Variants in INTS9 observed in about 807,000 individuals in gnomAD.
INTS9 encodes the protein integrator complex subunit 9.
In INTS9, 55 loss-of-function variants were observed where a neutral mutation model predicts 79.7. The ratio of observed to expected loss-of-function variants is 0.69; its 90% CI spans 0.56 to 0.86. INTS9 has a LOEUF of 0.86. Among genes scored for constraint, INTS9 ranks in the 40% least tolerant of loss-of-function variants. The probability of loss-of-function intolerance (pLI) is 0.00; values close to 1 mark genes in which losing one functional copy is unlikely to be tolerated. For synonymous variants in INTS9, 319 were observed against 325.2 expected (o/e 0.98, Z 0.20); for missense variants, 721 against 831.5 (o/e 0.87, Z 1.64).
At chr8:28,778,295 C>T (rs1010976016) in intron 12 of INTS9, among the ~76,000 whole-genome samples, 1 of 152,228 alleles carries the variant, frequency 6.6e-6, no homozygotes, top group Admixed American at 6.5e-5. Context: ...CAGTTCATCA[C>T]TTATTCAGAT....
chr8:28,862,281 T>C, intron 1 of INTS9: 1 of 917,252 alleles, frequency 1.1e-6, no homozygotes, highest in Non-Finnish European at 1.3e-6. Flanking sequence ...CTGATTATCA[T>C]TTTTATATTC....
chr8:28,846,843 A>G (rs377639962), intron 3 of INTS9, 34 bp from the exon 4 acceptor site: 521 of 1,515,262 alleles, frequency 3.4e-4, no homozygotes, highest in Middle Eastern at 1.2e-3. Flanking sequence ...TACAAGGAAG[A>G]GATATCCAGT....
intron 14 of INTS9, 108 bp downstream of exon 14, chr8:28,775,651 C>T: frequency 8.2e-7 from 1 of 1,221,302 alleles, no homozygotes; most frequent in Non-Finnish European, 1.2e-6. Flanking sequence ...TGCGCGCAGC[C>T]TGGTTCATTT....
intron 8 of INTS9, among the ~76,000 whole-genome samples, chr8:28,799,256 A>G (rs1402218007): frequency 6.6e-6 from 1 of 152,194 alleles, no homozygotes; most frequent in Non-Finnish European, 1.5e-5. Flanking sequence ...AGATCACACC[A>G]TTGCACTCCA....
chr8:28,827,354 G>C lies in INTS9; in HGVS notation c.488+7938C>G, dbSNP rs534797151. Among the ~76,000 whole-genome samples the C allele has an allele frequency of 4.1e-4, 63 of 151,946 alleles. 1 individual carries two copies. Among genetic ancestry groups the C allele is most frequent in the African/African-American group, 1.5e-3 (62 of 41,272 alleles). On this transcript the variant is annotated intron_variant, in intron 6 of 16. Coordinates refer to ENST00000521022, the MANE Select transcript of INTS9 (RefSeq NM_018250.4). The stretch of plus-strand genomic sequence containing the variant: ...CTGCCAGCAAAAGCAGCACACTTTT[G>C]TGTTTTTATTAAATATTAAAACTTT...
chr8:28,824,386 G>A (rs971474392), intron 6 of INTS9, among the ~76,000 whole-genome samples: 7 of 152,212 alleles, frequency 4.6e-5, no homozygotes, highest in Admixed American at 4.6e-4. Flanking sequence ...TCTGGGTGCT[G>A]CTTCTGCCTG....
intron 6 of INTS9, among the ~76,000 whole-genome samples, chr8:28,823,329 A>G (rs1298414202): frequency 6.6e-6 from 1 of 152,158 alleles, no homozygotes; most frequent in East Asian, 1.9e-4. Flanking sequence ...GGAAAGTAAC[A>G]TTTTTATCTG....
chr8:28,872,560 GA>G (rs1020036725), intron 1 of INTS9, among the ~76,000 whole-genome samples: 8 of 151,962 alleles, frequency 5.3e-5, no homozygotes, highest in African/African-American at 1.5e-4. Flanking sequence ...GGTATAAATA[GA>G]AGTAGTGTAC....
At chr8:28,881,352 C>G (rs1262173659) in intron 1 of INTS9, among the ~76,000 whole-genome samples, 2 of 127,756 alleles carry the variant, frequency 1.6e-5, no homozygotes, top group African/African-American at 6.0e-5. Flanking sequence ...AGGTGAGGGG[C>G]GCCTCTGCCC....
intron 1 of INTS9, among the ~76,000 whole-genome samples, chr8:28,872,653 G>A (rs970943767): frequency 6.6e-6 from 1 of 152,144 alleles, no homozygotes; most frequent in African/African-American, 2.4e-5. Flanking sequence ...ATAGGGATAT[G>A]ATGGCCTGAG....
intron 1 of INTS9, among the ~76,000 whole-genome samples, chr8:28,874,874 A>G (rs1809292562): frequency 6.6e-6 from 1 of 152,256 alleles, no homozygotes; most frequent in Non-Finnish European, 1.5e-5. Context: ...CACACTGCTG[A>G]TAAAGACATA....
At position 28,846,761 on chromosome 8, in the gene INTS9, A is replaced by G. The variant is rs1036703818; in HGVS notation, c.247T>C (p.Phe83Leu). 2.5e-6 allele frequency: 4 copies of G among 1,613,138 alleles called. No individual in the cohort carries two copies. The African/African-American group carries it at 5.3e-5, about 22-fold the overall frequency. The change falls in exon 4 of 17, where the codon TTC (phenylalanine) becomes CTC (leucine). Residue 83 changes from phenylalanine (F) to leucine (L), a missense_variant. Transcript: ENST00000521022. ...GHVFVDSVPE[F>L]CLPETELIDL... Reference sequence around the variant, plus strand: ...CTTAATCTTACCTCTGGTAAACAGAATTCCGGCACAGAATCCACAAATACA... The same window carrying G: ...CTTAATCTTACCTCTGGTAAACAGAGTTCCGGCACAGAATCCACAAATACA...
At chr8:28,832,346 A>G (rs1022371017) in intron 6 of INTS9, among the ~76,000 whole-genome samples, 2 of 152,196 alleles carry the variant, frequency 1.3e-5, no homozygotes, top group Non-Finnish European at 2.9e-5. Flanking sequence ...ATGTCCAGAA[A>G]ATGTTTCCTA....
At chr8:28,811,448 A>G (rs1805136019) in intron 8 of INTS9, among the ~76,000 whole-genome samples, 1 of 150,034 alleles carries the variant, frequency 6.7e-6, no homozygotes, top group Admixed American at 6.6e-5. Context: ...TTGAGGCATA[A>G]TCTCACTCTG....
chr8:28,773,843 G>C (rs982816440), intron 14 of INTS9, among the ~76,000 whole-genome samples: 7 of 152,046 alleles, frequency 4.6e-5, no homozygotes, highest in African/African-American at 1.7e-4. Context: ...TATTTTTTGA[G>C]ACAGAGTCTC....
chr8:28,793,759 C>A, intron 10 of INTS9, 48 bp downstream of exon 10: 2 of 1,401,754 alleles, frequency 1.4e-6, no homozygotes, highest in African/African-American at 1.5e-5. Context: ...GCTTGAATGT[C>A]CTGAATCAAA....
At chr8:28,880,243 CCT>C (rs1809633221) in intron 1 of INTS9, among the ~76,000 whole-genome samples, 1 of 134,928 alleles carries the variant, frequency 7.4e-6, no homozygotes. Flanking sequence ...TCTCCCTCTC[CCT>C]CTCCCTCTCC....
At chr8:28,805,807 C>T (rs17059476) in intron 8 of INTS9, among the ~76,000 whole-genome samples, 29,284 of 151,942 alleles carry the variant, frequency 0.19, 3,155 homozygotes, top group East Asian at 0.46. Context: ...AGGAAATTTA[C>T]ACTTCTAAAG....
At chr8:28,799,240 G>A (rs1804386028) in intron 8 of INTS9, among the ~76,000 whole-genome samples, 1 of 152,176 alleles carries the variant, frequency 6.6e-6, no homozygotes, top group Non-Finnish European at 1.5e-5. Flanking sequence ...AGGTTGCAGT[G>A]AGCCAAGATC....
Sources: allele counts gnomAD v4.1 joint callset (sites outside exome capture counted in the v4.1 genomes callset), GRCh38; gene constraint gnomAD v4.1.1; transcripts MANE v1.5; gene names NCBI Gene and HGNC (gene_info 2026-07-23, HGNC 2026-07-21).